The following CNTN5 variants were observed in gnomAD, a reference collection of about 807,000 sequenced individuals.
CNTN5 encodes the protein contactin 5, also known as contactin-5.
In CNTN5, 77 loss-of-function variants were observed where a neutral mutation model predicts 129.1. That is an observed-to-expected ratio of 0.60 (90% CI 0.50 to 0.72). CNTN5 has a LOEUF of 0.72. CNTN5 is among the 30% of genes least tolerant of loss of function. The pLI is 0.00. For missense variants in CNTN5, 1,478 were observed against 1,328.8 expected (o/e 1.11, Z -1.75); for synonymous variants, 509 against 465.6 (o/e 1.09, Z -1.20).
chr11:99,825,139 T>C (rs530443219), intron 4 of CNTN5, among the ~76,000 whole-genome samples: 8 of 152,020 alleles, frequency 5.3e-5, no homozygotes, highest in Non-Finnish European at 1.2e-4. Context: ...AAAAATTGCT[T>C]GTGTGCTTAG....
intron 14 of CNTN5, among the ~76,000 whole-genome samples, chr11:100,192,129 T>C (rs1205261750): frequency 6.6e-6 from 1 of 152,056 alleles, no homozygotes; most frequent in Non-Finnish European, 1.5e-5. Flanking sequence ...TATACTTTCA[T>C]TTATATAATG....
chr11:100,292,473 T>C (rs371446568), intron 18 of CNTN5, among the ~76,000 whole-genome samples: 34 of 152,162 alleles, frequency 2.2e-4, no homozygotes, highest in African/African-American at 7.2e-4. Flanking sequence ...AACTATTATT[T>C]ATTGTTCTTC....
chr11:99,958,044 G>A (rs1361614956), intron 8 of CNTN5, among the ~76,000 whole-genome samples: 3 of 151,884 alleles, frequency 2.0e-5, no homozygotes, highest in Admixed American at 2.0e-4. Context: ...CAGGTAAAGG[G>A]TAAAAATGTA....
intron 3 of CNTN5, among the ~76,000 whole-genome samples, chr11:99,785,029 G>A (rs1283395629): frequency 2.1e-5 from 3 of 140,964 alleles, no homozygotes; most frequent in Non-Finnish European, 4.7e-5. Flanking sequence ...TCTATCTCCT[G>A]ACCTCGTGAT....
In CNTN5 at chr11:99,520,825, A is replaced by G. The variant is rs536322236; in HGVS notation, c.-70-35320A>G. ...TGTACAACATCATAAAAATGTTACA[A>G]TGGCTTGGGTAGCTCAAAAAATGTC... On this transcript the variant is annotated intron_variant, in intron 2 of 24. Coordinates refer to ENST00000524871, the MANE Select transcript of CNTN5 (RefSeq NM_014361.4). 5.9e-5 allele frequency among the ~76,000 whole-genome samples: 9 copies of G among 152,250 alleles called. No homozygotes were observed. In the South Asian group the frequency reaches 1.9e-3, roughly 32 times the overall value.
chr11:100,270,223 A>G (rs1010211172), intron 17 of CNTN5, among the ~76,000 whole-genome samples: 2 of 152,188 alleles, frequency 1.3e-5, no homozygotes, highest in African/African-American at 4.8e-5. Context: ...TACCTTTCAG[A>G]AGAGATTTTC....
chr11:99,947,455 G>A lies in CNTN5; in HGVS notation c.674-9351G>A, dbSNP rs985096801. ...ACAGTATCCACTATTTCTTCATGGT[G>A]CATGGCAACGTGACAAATAAATTAC... On this transcript the variant is annotated intron_variant, in intron 7 of 24. Transcript: ENST00000524871. Among the ~76,000 whole-genome samples, 6 of 151,858 alleles carry A rather than the reference G, an allele frequency of 4.0e-5. No homozygotes were observed. In the South Asian group the frequency reaches 1.2e-3, roughly 32 times the overall value.
At chr11:99,844,610 T>C in intron 4 of CNTN5, 2 of 478,264 alleles carry the variant, frequency 4.2e-6, no homozygotes, top group South Asian at 4.1e-5. Context: ...TATAAATGTC[T>C]GAGGTTTGTT....
chr11:99,430,490 T>C (rs1943318541), intron 2 of CNTN5, among the ~76,000 whole-genome samples: 1 of 149,632 alleles, frequency 6.7e-6, no homozygotes, highest in Non-Finnish European at 1.5e-5. Flanking sequence ...TATATATTTA[T>C]ATATTTATAG....
chr11:99,779,411 T>C (rs1210836443), intron 3 of CNTN5, among the ~76,000 whole-genome samples: 5 of 152,000 alleles, frequency 3.3e-5, no homozygotes, highest in Non-Finnish European at 7.4e-5. Flanking sequence ...TTCAAAGTCT[T>C]CTACTTGTAG....
At chr11:100,271,028 T>C in intron 17 of CNTN5, 64 bp from the exon 18 acceptor site, 1 of 1,317,576 alleles carries the variant, frequency 7.6e-7, no homozygotes, top group Non-Finnish European at 1.0e-6. Flanking sequence ...TTAATATTCT[T>C]GATTGCCATT....
intron 18 of CNTN5, among the ~76,000 whole-genome samples, chr11:100,283,815 G>A (rs894806928): frequency 1.4e-4 from 21 of 151,960 alleles, no homozygotes; most frequent in Non-Finnish European, 1.5e-4. Flanking sequence ...GCGCGGTAGC[G>A]GGCACCTGTA....
Position 99,804,184 on chromosome 11 carries a change from GAAT to G in CNTN5, c.56-15353_56-15351del, listed in dbSNP as rs917874676. On this transcript the variant is annotated intron_variant, in intron 3 of 24. Transcript: ENST00000524871. ...AAAAATAATTTATAAAATTAAATAT[GAAT>G]AATAATGTGTTTTACAATATGGTAG... Among the ~76,000 whole-genome samples, 89 of 152,096 alleles carry G rather than the reference GAAT, an allele frequency of 5.9e-4. 1 individual carries two copies. Among genetic ancestry groups the G allele is most frequent in the African/African-American group, 2.0e-3 (84 of 41,538 alleles).
chr11:99,117,575 A>C (rs1187978610), intron 1 of CNTN5, among the ~76,000 whole-genome samples: 1 of 152,124 alleles, frequency 6.6e-6, no homozygotes, highest in Non-Finnish European at 1.5e-5. Context: ...TCACTCCCTG[A>C]ATATTATTGA....
At chr11:99,027,064 G>A (rs942561629) in intron 1 of CNTN5, among the ~76,000 whole-genome samples, 1 of 151,046 alleles carries the variant, frequency 6.6e-6, no homozygotes, top group Non-Finnish European at 1.5e-5. Flanking sequence ...AATGAACTTG[G>A]TATGCACTCA....
At chr11:99,727,199 G>A (rs897815196) in intron 3 of CNTN5, among the ~76,000 whole-genome samples, 6 of 147,862 alleles carry the variant, frequency 4.1e-5, no homozygotes, top group Admixed American at 2.0e-4. Context: ...CCAGCTACTC[G>A]GGAGGCTGAG....
intron 3 of CNTN5, among the ~76,000 whole-genome samples, chr11:99,717,289 G>A (rs1309757442): frequency 6.6e-6 from 1 of 151,900 alleles, no homozygotes; most frequent in Non-Finnish European, 1.5e-5. Context: ...ACAAATTAAG[G>A]AAAGTCTTAT....
At chr11:99,332,458 T>C (rs902844504) in intron 2 of CNTN5, among the ~76,000 whole-genome samples, 3 of 152,126 alleles carry the variant, frequency 2.0e-5, no homozygotes, top group African/African-American at 7.2e-5. Context: ...ACATAGTGCA[T>C]TTTAAACTAA....
intron 8 of CNTN5, among the ~76,000 whole-genome samples, chr11:99,989,418 C>T (rs1901860): frequency 0.37 from 56,532 of 151,808 alleles, 11,760 homozygotes; most frequent in African/African-American, 0.56. Flanking sequence ...CATATTCACA[C>T]ACGTCTTGGT....
Sources: gnomAD v4.1 joint callset for allele counts (sites outside exome capture counted in the v4.1 genomes callset) on GRCh38, gnomAD v4.1.1 for gene constraint, MANE v1.5 for transcripts, NCBI Gene and HGNC (gene_info 2026-07-23, HGNC 2026-07-21) for gene names.